Variants in DHRSX observed in about 807,000 individuals in gnomAD.
DHRSX encodes the protein dehydrogenase/reductase X-linked.
A neutral mutation model predicts 34.0 loss-of-function variants in DHRSX; 31 were observed. That is an observed-to-expected ratio of 0.91 (90% CI 0.69 to 1.23). The LOEUF (loss-of-function observed/expected upper bound fraction) is 1.23. Among genes scored for constraint, DHRSX ranks in the 50% most tolerant of loss-of-function variants. The pLI, the probability that DHRSX is intolerant of heterozygous loss-of-function variation, is 0.00. For synonymous variants in DHRSX, 201 were observed against 183.8 expected (o/e 1.09, Z -0.76); for missense variants, 414 against 428.1 (o/e 0.97, Z 0.29).
At chrX:2,304,217 AT>A in intron 3 of DHRSX, among the ~76,000 whole-genome samples, 1 of 123,530 alleles carries the variant, frequency 8.1e-6, no homozygotes, top group Non-Finnish European at 1.7e-5. Flanking sequence ...GGATGGATGG[AT>A]GGATGGATGG....
intron 5 of DHRSX, among the ~76,000 whole-genome samples, chrX:2,251,933 A>C (rs775527722): frequency 6.6e-6 from 1 of 152,136 alleles, no homozygotes; most frequent in African/African-American, 2.4e-5. Context: ...GGCTGACTGC[A>C]TAATAAAGAG....
intron 2 of DHRSX, among the ~76,000 whole-genome samples, chrX:2,411,554 C>CAA (rs774788900): frequency 0.072 from 3,969 of 55,326 alleles, 298 homozygotes; most frequent in African/African-American, 0.23. Flanking sequence ...AACTCTGTCC[C>CAA]AAAAAAAAAA....
chrX:2,334,980 G>C (rs2042535926), intron 3 of DHRSX: 1 of 151,980 alleles, frequency 6.6e-6, no homozygotes, highest in South Asian at 2.1e-4. Context: ...AGGAGCTCAA[G>C]ACAAGTCTGG....
chrX:2,481,492 C>T (rs1406988373), intron 1 of DHRSX, among the ~76,000 whole-genome samples: 1 of 151,830 alleles, frequency 6.6e-6, no homozygotes, highest in African/African-American at 2.4e-5. Context: ...GTACTGAAAC[C>T]CCGTCTCTAC....
At chrX:2,356,165 C>T (rs1180702452) in intron 3 of DHRSX, among the ~76,000 whole-genome samples, 9 of 151,892 alleles carry the variant, frequency 5.9e-5, no homozygotes, top group Non-Finnish European at 8.8e-5. Flanking sequence ...CAACTGAAGT[C>T]GGGAGTTCGA....
chrX:2,438,039 C>T (rs1022013028), intron 1 of DHRSX, among the ~76,000 whole-genome samples: 4 of 150,360 alleles, frequency 2.7e-5, no homozygotes, highest in South Asian at 2.1e-4. Context: ...TGGCCGGGCG[C>T]GGTGGCTCAT....
At chrX:2,365,649 CTCACATGCTT>C (rs1453111048) in intron 3 of DHRSX, among the ~76,000 whole-genome samples, 3 of 152,114 alleles carry the variant, frequency 2.0e-5, no homozygotes, top group African/African-American at 4.8e-5. Context: ...TGGGTAAATC[CTCACATGCTT>C]TCACAGGTAT....
intron 3 of DHRSX, among the ~76,000 whole-genome samples, chrX:2,300,612 T>C (rs1484787259): frequency 3.9e-5 from 6 of 152,176 alleles, no homozygotes; most frequent in African/African-American, 1.4e-4. Flanking sequence ...CCTCCCATGC[T>C]ACAGCTTTCT....
chrX:2,349,133 C>G (rs35371048), intron 3 of DHRSX, among the ~76,000 whole-genome samples: 10,704 of 152,152 alleles, frequency 0.07, 472 homozygotes, highest in Middle Eastern at 0.13. Flanking sequence ...ACTCGATGAT[C>G]CAGCAAGCAT....
chrX:2,412,451 T>C (rs1181058228), intron 2 of DHRSX, among the ~76,000 whole-genome samples: 5 of 152,022 alleles, frequency 3.3e-5, no homozygotes, highest in African/African-American at 1.2e-4. Context: ...GTTGTCGTCA[T>C]TTTTTTCAAA....
chrX:2,418,330 C>G (rs1206456637), intron 2 of DHRSX, among the ~76,000 whole-genome samples: 1 of 152,094 alleles, frequency 6.6e-6, no homozygotes, highest in Non-Finnish European at 1.5e-5. Context: ...TACAACTAGA[C>G]TTCATCATGA....
chrX:2,425,414 T>C, intron 1 of DHRSX, 110 bp from the exon 2 acceptor site: 2 of 879,920 alleles, frequency 2.3e-6, no homozygotes, highest in Non-Finnish European at 3.6e-6. Context: ...TATGGTTCAT[T>C]TATTTCTGGT....
At chrX:2,229,454 G>C (rs1193417880) in intron 6 of DHRSX, among the ~76,000 whole-genome samples, 6 of 152,022 alleles carry the variant, frequency 3.9e-5, no homozygotes, top group Non-Finnish European at 8.8e-5. Context: ...TTGCCTCTCT[G>C]TACCTGCTGC....
At chrX:2,241,507 T>C (rs2016140476) in intron 6 of DHRSX, among the ~76,000 whole-genome samples, 1 of 152,032 alleles carries the variant, frequency 6.6e-6, no homozygotes, top group African/African-American at 2.4e-5. Context: ...TGAACCCACA[T>C]CGCGGAGGAA....
chrX:2,236,883 T>TAA (rs553057998), intron 6 of DHRSX, among the ~76,000 whole-genome samples: 99 of 136,168 alleles, frequency 7.3e-4, no homozygotes, highest in Non-Finnish European at 9.8e-4. Context: ...TGTTTATTAA[T>TAA]AAAAAAAAAA....
chrX:2,415,912 C>A (rs899573691), intron 2 of DHRSX, among the ~76,000 whole-genome samples: 2 of 151,166 alleles, frequency 1.3e-5, no homozygotes, highest in African/African-American at 4.9e-5. Context: ...TCTAACTAGA[C>A]CTCATCAGAA....
At chrX:2,499,155 A>G (rs2045351003) in intron 1 of DHRSX, among the ~76,000 whole-genome samples, 1 of 152,054 alleles carries the variant, frequency 6.6e-6, no homozygotes, top group Non-Finnish European at 1.5e-5. Context: ...AGTGGAAGTC[A>G]AAAGTCATTT....
At chrX:2,394,297 A>G (rs1302534005) in intron 3 of DHRSX, among the ~76,000 whole-genome samples, 3 of 152,180 alleles carry the variant, frequency 2.0e-5, no homozygotes, top group Admixed American at 2.0e-4. Context: ...CCCACAGGAG[A>G]GACCTGGACT....
chrX:2,245,277 C>G (rs1191200039), intron 5 of DHRSX, among the ~76,000 whole-genome samples: 7 of 152,088 alleles, frequency 4.6e-5, no homozygotes, highest in South Asian at 2.1e-4. Flanking sequence ...AGCCCCCTCC[C>G]TGCTTCCAGT....
Sources: gnomAD v4.1 joint callset for allele counts (sites outside exome capture counted in the v4.1 genomes callset) on GRCh38, gnomAD v4.1.1 for gene constraint, MANE v1.5 for transcripts, NCBI Gene and HGNC (gene_info 2026-07-23, HGNC 2026-07-21) for gene names.